JADE2: variants seen among roughly 807,000 people sequenced by gnomAD.
The protein encoded by JADE2 is jade family PHD finger 2, also known as E3 ubiquitin-protein ligase Jade-2.
In JADE2, 13 loss-of-function variants were observed where a neutral mutation model predicts 85.7. That is an observed-to-expected ratio of 0.15 (90% CI 0.10 to 0.24). The LOEUF is 0.24. Ranked by LOEUF, JADE2 falls within the 10% of genes least tolerant of loss-of-function variation. The pLI, the probability that JADE2 is intolerant of heterozygous loss-of-function variation, is 1.00. For missense variants in JADE2, 846 were observed against 1,115.9 expected (o/e 0.76, Z 3.45); for synonymous variants, 440 against 456.1 (o/e 0.96, Z 0.45).
At chr5:134,528,151 A>G (rs1273278321) in intron 1 of JADE2, among the ~76,000 whole-genome samples, 3 of 152,094 alleles carry the variant, frequency 2.0e-5, no homozygotes, top group Admixed American at 1.3e-4. Context: ...TTATGTTTGC[A>G]AACTGATTCC....
chr5:134,562,250 G>A lies in JADE2; in HGVS notation c.735G>A (p.Thr245=), dbSNP rs114733528. Residue 245 remains threonine, a synonymous_variant, in exon 7 of 12, where the codon ACG becomes ACA. Transcript: ENST00000681547. The surrounding 1 kb of genome is among the most constrained non-coding windows in gnomAD (Gnocchi z 4.6). ...CCACGGGCAGCTGGCTGTGCCGGAC[G>A]TGTGCCCTGGGTGTCCAGCCAAAGT... ...KVPTGSWLCR[T]CALGVQPKCL... is the part of the protein sequence containing the mutation. 1.1e-5 allele frequency: 18 copies of A among 1,613,982 alleles called. No individual in the cohort carries two copies. In the East Asian group the frequency reaches 1.3e-4, roughly 12 times the overall value.
At chr5:134,573,606 G>T (rs763415133) in intron 9 of JADE2, 39 bp from the exon 10 acceptor site, 26 of 1,469,904 alleles carry the variant, frequency 1.8e-5, no homozygotes, top group Non-Finnish European at 2.2e-5. Context: ...TGGGGTGGTT[G>T]CCTGTGAGTA....
intron 4 of JADE2, among the ~76,000 whole-genome samples, chr5:134,559,111 G>A (rs1227381079): frequency 1.3e-5 from 2 of 152,198 alleles, no homozygotes; most frequent in Non-Finnish European, 2.9e-5. Context: ...TGTGTAGCAG[G>A]ACACTCACTG....
At chr5:134,539,668 C>A (rs1761851428) in intron 3 of JADE2, among the ~76,000 whole-genome samples, 1 of 152,240 alleles carries the variant, frequency 6.6e-6, no homozygotes, top group Non-Finnish European at 1.5e-5. Flanking sequence ...ATCCTTGGGG[C>A]TCACAATGCC....
At chr5:134,528,867 C>T (rs1031288750) in intron 1 of JADE2, among the ~76,000 whole-genome samples, 1 of 152,174 alleles carries the variant, frequency 6.6e-6, no homozygotes, top group Admixed American at 6.5e-5. Context: ...AATGTTTTCC[C>T]GTCCAAAATG....
At chr5:134,532,995 C>T (rs1761344220) in intron 1 of JADE2, among the ~76,000 whole-genome samples, 2 of 152,186 alleles carry the variant, frequency 1.3e-5, no homozygotes, top group Non-Finnish European at 2.9e-5. Flanking sequence ...CATGGGACAG[C>T]CCTGACCCAG....
intron 9 of JADE2, among the ~76,000 whole-genome samples, chr5:134,568,469 G>T (rs1561758512): frequency 6.6e-6 from 1 of 152,200 alleles, no homozygotes; most frequent in Non-Finnish European, 1.5e-5. Context: ...CGGGCTCTGG[G>T]GTTCCGGGGA....
chr5:134,559,871 C>G lies in JADE2; in HGVS notation c.353C>G (p.Pro118Arg). Reference sequence around the variant, plus strand: ...GAAGGCCCCCCTGCCCAGGCATCCCCGAGCAGCACCATGCTTGGTGAGGGC... The same window carrying G: ...GAAGGCCCCCCTGCCCAGGCATCCCGGAGCAGCACCATGCTTGGTGAGGGC... ...PLEGPPAQASPSSTMLGEGSQ... is the reference protein window; with the variant it reads ...PLEGPPAQASRSSTMLGEGSQ... Residue 118 changes from proline to arginine, a missense_variant, in exon 5 of 12, where the codon CCG becomes CGG. Pro to Arg is a moderately radical substitution (Grantham distance 103, BLOSUM62 -2). Coordinates refer to ENST00000681547, the MANE Select transcript of JADE2 (RefSeq NM_001388185.1). 1 of 1,613,522 alleles carries G rather than the reference C, an allele frequency of 6.2e-7. No individual in the cohort carries two copies. Among genetic ancestry groups the G allele is most frequent in the Non-Finnish European group, 8.5e-7 (1 of 1,179,734 alleles).
At chr5:134,527,052 C>T (rs1760884530) in intron 1 of JADE2, among the ~76,000 whole-genome samples, 1 of 152,208 alleles carries the variant, frequency 6.6e-6, no homozygotes, top group South Asian at 2.1e-4. Context: ...AAGATGCCGG[C>T]TTGTGGCGGA....
chr5:134,540,624 GGAAGGCAA>G (rs1761911397), intron 3 of JADE2, among the ~76,000 whole-genome samples: 2 of 152,102 alleles, frequency 1.3e-5, no homozygotes, highest in African/African-American at 4.8e-5. Flanking sequence ...TCCTGGTCCT[GGAAGGCAA>G]GAATTGTCGT....
At chr5:134,540,618 G>A (rs1468276683) in intron 3 of JADE2, among the ~76,000 whole-genome samples, 2 of 152,116 alleles carry the variant, frequency 1.3e-5, no homozygotes, top group African/African-American at 4.8e-5. Context: ...GTGCCTTCCT[G>A]GTCCTGGAAG....
Position 134,564,360 on chromosome 5 carries a change from A to C in JADE2, c.853-134A>C, listed in dbSNP as rs1763507153. On this transcript the variant is annotated intron_variant, in intron 7 of 11. Coordinates refer to ENST00000681547, the MANE Select transcript of JADE2 (RefSeq NM_001388185.1). ...CCATGCTTGTTTGGTGTCAGGAGGG[A>C]CTTGGGATTCAGGGGCTCAGCCACT... is the stretch of plus-strand genomic sequence containing the variant. 5.4e-6 allele frequency: 3 copies of C among 559,282 alleles called. No individual in the cohort carries two copies. In the South Asian group the frequency reaches 7.2e-5, roughly 13 times the overall value. 34.6% of individuals were successfully genotyped at this position (559,282 alleles called of 1,614,324 possible).
rs1438349760 is a variant in JADE2, at chr5:134,559,859, C to T, written c.341C>T (p.Ala114Val). ...CTCCCACCACTGGAAGGCCCCCCTG[C>T]CCAGGCATCCCCGAGCAGCACCATG... ...RILPPLEGPP[A>V]QASPSSTMLG... is the part of the protein sequence containing the mutation. The change falls in exon 5 of 12, where the codon GCC becomes GTC. Residue 114 changes from alanine (A) to valine (V), a missense_variant. Transcript: ENST00000681547. 2.5e-6 allele frequency: 4 copies of T among 1,612,318 alleles called. No individual in the cohort carries two copies. The Admixed American group carries it at 5.0e-5, about 20-fold the overall frequency.
At chr5:134,547,309 T>G (rs1366936619) in intron 3 of JADE2, among the ~76,000 whole-genome samples, 1 of 152,216 alleles carries the variant, frequency 6.6e-6, no homozygotes, top group Non-Finnish European at 1.5e-5. Context: ...TTTGAAGCCT[T>G]TAAACATTTC....
At chr5:134,550,122 A>C (rs1046246055) in intron 3 of JADE2, among the ~76,000 whole-genome samples, 3 of 152,252 alleles carry the variant, frequency 2.0e-5, no homozygotes, top group Admixed American at 2.0e-4. Flanking sequence ...TCTTAGCCAC[A>C]TTCCATCTTC....
In JADE2 at chr5:134,579,049, C is replaced by T. The variant is rs571788917; in HGVS notation, c.2237C>T (p.Pro746Leu). 60 of 1,614,052 alleles carry T rather than the reference C, an allele frequency of 3.7e-5. No homozygotes were observed. In the South Asian group the frequency reaches 6.3e-4, roughly 17 times the overall value. ...DVQVPGPAAS[P>L]KPLGRLRPPR... The stretch of plus-strand genomic sequence containing the variant: ...CAAGTGCCTGGCCCTGCAGCAAGCC[C>T]TAAGCCTTTGGGCCGGCTCCGGCCA... Residue 746 changes from proline (P) to leucine (L), a missense_variant, in exon 12 of 12, where the codon CCT becomes CTT. Around this residue, in one of 9 missense-constraint regions of JADE2, gnomAD observed 300 missense variants for 300.7 expected, o/e 1.00. Coordinates refer to ENST00000681547, the MANE Select transcript of JADE2 (RefSeq NM_001388185.1). The surrounding 1 kb of genome is among the most constrained non-coding windows in gnomAD (Gnocchi z 4.6).
At chr5:134,528,940 A>G (rs1178789241) in intron 1 of JADE2, among the ~76,000 whole-genome samples, 6 of 152,226 alleles carry the variant, frequency 3.9e-5, no homozygotes, top group Non-Finnish European at 1.5e-5. Flanking sequence ...AGGTTGTCAG[A>G]AATCTCCACT....
chr5:134,566,126 C>A lies in JADE2; in HGVS notation c.980C>A (p.Pro327His). The part of the protein sequence containing the change: ...CTGTCIQCSM[P>H]SCVTAFHVTC... Reference sequence around the variant, plus strand: ...CTCCTTTCCCCTCAGTGTTCCATGCCTTCCTGCGTCACAGCGTTCCATGTC... The same window carrying A: ...CTCCTTTCCCCTCAGTGTTCCATGCATTCCTGCGTCACAGCGTTCCATGTC... The change falls in exon 9 of 12, where the codon CCT becomes CAT. Residue 327 changes from proline (P) to histidine (H), a missense_variant. Physicochemically the swap from Pro to His is moderately conservative, Grantham distance 77 (BLOSUM62 -2). Transcript: ENST00000681547. The surrounding 1 kb of genome is among the most constrained non-coding windows in gnomAD (Gnocchi z 6.7). The A allele has an allele frequency of 6.2e-7, 1 of 1,612,934 alleles. No individual in the cohort carries two copies. Among genetic ancestry groups the A allele is most frequent in the Non-Finnish European group, 8.5e-7 (1 of 1,179,274 alleles).
chr5:134,573,005 C>T (rs1320291371), intron 9 of JADE2, among the ~76,000 whole-genome samples: 3 of 152,222 alleles, frequency 2.0e-5, no homozygotes, highest in African/African-American at 2.4e-5. Flanking sequence ...GAGCCTGGCT[C>T]AGGTCCCAGT....
Sources: gnomAD v4.1 joint callset for allele counts (sites outside exome capture counted in the v4.1 genomes callset) on GRCh38, gnomAD v4.1.1 for gene constraint, gnomAD v4.1.1 regional missense constraint, Gnocchi (gnomAD v3.1) non-coding constraint, MANE v1.5 for transcripts, NCBI Gene and HGNC (gene_info 2026-07-23, HGNC 2026-07-21) for gene names.